FAM186A: variants seen among roughly 807,000 people sequenced by gnomAD.
FAM186A encodes family with sequence similarity 186 member A.
In FAM186A, 163 loss-of-function variants were observed where a neutral mutation model predicts 216.8. The observed-to-expected ratio is 0.75, with a 90% confidence interval of 0.66 to 0.86. The LOEUF is 0.86. Among genes scored for constraint, FAM186A ranks in the 40% least tolerant of loss-of-function variants. FAM186A has a pLI of 0.00. For synonymous variants in FAM186A, 805 were observed against 1,025.3 expected, an observed-to-expected ratio of 0.79 and a Z score of 4.10; for missense variants, 2,184 against 2,746.2, an observed-to-expected ratio of 0.80 and a Z score of 4.58.
At chr12:50,396,141 C>T (rs1018159602) in intron 1 of FAM186A, among the ~76,000 whole-genome samples, 152 bp downstream of exon 1, 5 of 152,128 alleles carry the variant, frequency 3.3e-5, no homozygotes, top group Non-Finnish European at 7.3e-5. Context: ...TATCCACAGT[C>T]GGTGTCAGGT....
At position 50,353,545 on chromosome 12, in the gene FAM186A, CCCTGAG is replaced by C. The variant is rs1942935116; in HGVS notation, c.3281_3286del (p.Ala1094_Gln1095del). The C allele has an allele frequency of 5.2e-6, 8 of 1,533,920 alleles. No homozygotes were observed. In the East Asian group the frequency reaches 2.0e-4, roughly 38 times the overall value. ...GGCCTGCTGAAGGGTGAGCGTGATC[CCCTGAG>C]CCTGGGCCTGCTGAGGAGTGAGTGT... On this transcript the variant is annotated inframe_deletion, in exon 4 of 8. Coordinates refer to ENST00000327337, the MANE Select transcript of FAM186A (RefSeq NM_001145475.3).
rs1259692870 is a variant in FAM186A at position 50,356,002 on chromosome 12, TC to T, written c.829del (p.Asp277MetfsTer3). On this transcript the variant is annotated frameshift_variant, in exon 4 of 8. Coordinates refer to ENST00000327337, the MANE Select transcript of FAM186A (RefSeq NM_001145475.3). LOFTEE classifies it high-confidence loss of function. ...TTGGAAGTTAACACATTTTAATTCA[TC>T]ATTTAGCATACTCAAAGCTGTAGAA... ...NLSTALSMLN[D>X]ELKCVNFQSS... is the part of the protein sequence containing the mutation. 1 of 1,551,650 alleles carries T rather than the reference TC, an allele frequency of 6.4e-7. No homozygotes were observed. Among genetic ancestry groups the T allele is most frequent in the Non-Finnish European group, 8.7e-7 (1 of 1,146,986 alleles).
In FAM186A at chr12:50,333,936, T is replaced by C. The variant is rs190322760; in HGVS notation, c.6671A>G (p.Lys2224Arg). Residue 2224 changes from lysine to arginine, a missense_variant, in exon 5 of 8, where the codon AAG becomes AGG. Coordinates refer to ENST00000327337, the MANE Select transcript of FAM186A (RefSeq NM_001145475.3). ...CTGGTTGAATACGTGTATCATTTTCTTCAGGCACTGATTCCGTTTCTGCCC... is the reference window on the plus strand; with the variant it reads ...CTGGTTGAATACGTGTATCATTTTCCTCAGGCACTGATTCCGTTTCTGCCC... ...SLGQKRNQCL[K>R]KMIHVFNQLK... is the part of the protein sequence containing the mutation. 491 of 1,551,348 alleles carry C rather than the reference T, an allele frequency of 3.2e-4. 1 individual carries two copies. Among genetic ancestry groups the C allele is most frequent in the Non-Finnish European group, 7.7e-5 (88 of 1,146,916 alleles).
intron 2 of FAM186A, among the ~76,000 whole-genome samples, chr12:50,361,519 T>C (rs966331102): frequency 1.3e-5 from 2 of 150,706 alleles, no homozygotes; most frequent in African/African-American, 2.4e-5. Flanking sequence ...TGTTTTAATA[T>C]TGGAGATCTA....
chr12:50,354,577 T>C lies in FAM186A; in HGVS notation c.2255A>G (p.Gln752Arg). 1 of 1,550,936 alleles carries C rather than the reference T, an allele frequency of 6.4e-7. No individual in the cohort carries two copies. Among genetic ancestry groups the C allele is most frequent in the Non-Finnish European group, 8.7e-7 (1 of 1,146,860 alleles). The change falls in exon 4 of 8, where the codon CAA (glutamine) becomes CGA (arginine). Residue 752 changes from glutamine (Q) to arginine (R), a missense_variant. By Grantham distance (43) the Gln-to-Arg change is conservative. This residue lies in a region of FAM186A where 1,132 missense variants were observed against 1,263.4 expected (regional missense o/e 0.90). Coordinates refer to ENST00000327337, the MANE Select transcript of FAM186A (RefSeq NM_001145475.3). ...EEQVGEKPIK[Q>R]KKVVSFMPGL... is the part of the protein sequence containing the mutation. ...TGGCATAAATGAGACTACCTTTTTT[T>C]GTTTTATAGGTTTCTCTCCAACTTG... is the stretch of plus-strand genomic sequence containing the variant.
intron 6 of FAM186A, 51 bp from the exon 7 acceptor site, chr12:50,330,809 C>A: frequency 7.0e-7 from 1 of 1,436,146 alleles, no homozygotes; most frequent in Non-Finnish European, 9.2e-7. Flanking sequence ...AGCTCCATAG[C>A]CCATCAAAAT....
intron 1 of FAM186A, among the ~76,000 whole-genome samples, chr12:50,374,932 C>G (rs1337027054): frequency 6.6e-6 from 1 of 152,118 alleles, no homozygotes; most frequent in Non-Finnish European, 1.5e-5. Flanking sequence ...AATCCCAGCA[C>G]TTTGGGAGGC....
intron 1 of FAM186A, among the ~76,000 whole-genome samples, chr12:50,389,392 TG>T (rs1222323125): frequency 6.6e-6 from 1 of 151,938 alleles, no homozygotes; most frequent in Non-Finnish European, 1.5e-5. Context: ...TCCAGCTACT[TG>T]GGAGGCTGAG....
intron 1 of FAM186A, among the ~76,000 whole-genome samples, chr12:50,391,638 C>T (rs1282929156): frequency 6.7e-6 from 1 of 149,072 alleles, no homozygotes; most frequent in Non-Finnish European, 1.5e-5. Context: ...GACAGTCTCA[C>T]TGTCTCCAGT....
intron 1 of FAM186A, among the ~76,000 whole-genome samples, chr12:50,391,351 T>C (rs1943355375): frequency 6.6e-6 from 1 of 150,526 alleles, no homozygotes. Flanking sequence ...AGAGTCTCGC[T>C]GTCACCCAGG....
At position 50,348,608 on chromosome 12, in the gene FAM186A, G is replaced by A. The variant is rs182153253; in HGVS notation, c.6503+1721C>T. Reference sequence around the variant, plus strand: ...GGAGTCTTGCTCTGCCCCGCTGGCTGGAGTCCAGCGGCTCAATCTCGGCTC... The same window carrying A: ...GGAGTCTTGCTCTGCCCCGCTGGCTAGAGTCCAGCGGCTCAATCTCGGCTC... On this transcript the variant is annotated intron_variant, in intron 4 of 7. Coordinates refer to ENST00000327337, the MANE Select transcript of FAM186A (RefSeq NM_001145475.3). Among the ~76,000 whole-genome samples, 7 of 152,076 alleles carry A rather than the reference G, an allele frequency of 4.6e-5. No homozygotes were observed. The East Asian group carries it at 1.4e-3, about 29-fold the overall frequency.
chr12:50,378,053 C>G (rs1178661976), intron 1 of FAM186A, among the ~76,000 whole-genome samples: 2 of 152,016 alleles, frequency 1.3e-5, no homozygotes, highest in African/African-American at 4.8e-5. Context: ...TGGAAAAACC[C>G]TGTCTCTACT....
intron 1 of FAM186A, chr12:50,365,964 G>A (rs1943083780): frequency 1.3e-6 from 1 of 767,602 alleles, no homozygotes; most frequent in Non-Finnish European, 2.4e-6. Context: ...CAGCAAGGTG[G>A]GTATCACTAG....
intron 4 of FAM186A, among the ~76,000 whole-genome samples, chr12:50,337,372 G>A (rs1195364131): frequency 7.4e-6 from 1 of 135,956 alleles, no homozygotes; most frequent in Non-Finnish European, 1.5e-5. Flanking sequence ...TTGGCTCACT[G>A]CAGCCTTGAC....
At chr12:50,372,921 AAAAG>A (rs1234341699) in intron 1 of FAM186A, among the ~76,000 whole-genome samples, 30 of 147,704 alleles carry the variant, frequency 2.0e-4, no homozygotes, top group Middle Eastern at 3.4e-3. Context: ...AAAAAAAGAA[AAAAG>A]AAAGAAAGAA....
At chr12:50,347,809 C>A (rs1942834420) in intron 4 of FAM186A, among the ~76,000 whole-genome samples, 1 of 152,180 alleles carries the variant, frequency 6.6e-6, no homozygotes, top group Admixed American at 6.5e-5. Context: ...GGACCAGGAC[C>A]TGCTGCCTGC....
chr12:50,374,433 C>A (rs959332469), intron 1 of FAM186A, among the ~76,000 whole-genome samples: 4 of 151,830 alleles, frequency 2.6e-5, no homozygotes, highest in African/African-American at 4.8e-5. Flanking sequence ...CAAACAATAT[C>A]CTTAAAAAAT....
chr12:50,359,351 T>A (rs1019189391), intron 3 of FAM186A, among the ~76,000 whole-genome samples: 56 of 151,878 alleles, frequency 3.7e-4, no homozygotes, highest in Non-Finnish European at 5.0e-4. Context: ...TGAGCTGAGA[T>A]CACACCACTG....
chr12:50,346,847 AAAAAT>A (rs201063779), intron 4 of FAM186A, among the ~76,000 whole-genome samples: 2,766 of 151,866 alleles, frequency 0.018, 75 homozygotes, highest in African/African-American at 0.061. Flanking sequence ...ACTCTGTTTC[AAAAAT>A]AAAATAAAAT....
Sources: allele counts gnomAD v4.1 joint callset (sites outside exome capture counted in the v4.1 genomes callset), GRCh38; gene constraint gnomAD v4.1.1; regional missense constraint gnomAD v4.1.1; transcripts MANE v1.5; gene names NCBI Gene and HGNC (gene_info 2026-07-23, HGNC 2026-07-21).